The following SIGLEC12 variants were observed in gnomAD, a reference collection of about 807,000 sequenced individuals.
SIGLEC12 encodes sialic acid binding Ig like lectin 12.
A neutral mutation model predicts 54.1 loss-of-function variants in SIGLEC12; 43 were observed. The ratio of observed to expected loss-of-function variants is 0.80; its 90% CI spans 0.62 to 1.03. The LOEUF (loss-of-function observed/expected upper bound fraction) is 1.03, where lower values mean the gene tolerates loss of function less well. SIGLEC12 is among the 50% of genes least tolerant of loss of function. SIGLEC12 has a pLI of 0.00. For synonymous variants in SIGLEC12, 357 were observed against 307.6 expected (o/e 1.16, Z -1.68); for missense variants, 802 against 735.2 (o/e 1.09, Z -1.05).
At position 51,501,686 on chromosome 19, in the gene SIGLEC12, C is replaced by T. The variant is rs764479890; in HGVS notation, c.48G>A (p.Val16=). ...GGTAATCCTTCTGTTCCTTAGCCCCCACTCTCCCACAGAGCAGGGGTGGCA... is the reference window on the plus strand; with the variant it reads ...GGTAATCCTTCTGTTCCTTAGCCCCTACTCTCCCACAGAGCAGGGGTGGCA... ...LLLPPLLCGR[V]GAKEQKDYLL... Residue 16 remains valine (V), a synonymous_variant, in exon 1 of 8, where the codon GTG becomes GTA. Coordinates refer to ENST00000291707, the MANE Select transcript of SIGLEC12 (RefSeq NM_053003.4). 1.9e-6 allele frequency: 3 copies of T among 1,613,842 alleles called. No individual in the cohort carries two copies. The highest frequency in any genetic ancestry group is 3.3e-5 in the Admixed American group (2 of 60,000).
At position 51,499,189 on chromosome 19, in the gene SIGLEC12, G is replaced by C. The variant is rs750591698; in HGVS notation, c.1116C>G (p.Val372=). 1.2e-6 allele frequency: 2 copies of C among 1,614,132 alleles called. No individual in the cohort carries two copies. Among genetic ancestry groups the C allele is most frequent in the Non-Finnish European group, 1.7e-6 (2 of 1,179,970 alleles). ...SYPPQNLTMT[V]FQGDGTASTT... Reference sequence around the variant, plus strand: ...TCTTACCTGTGCCATCTCCTTGGAAGACAGTCATGGTCAAGTTCTGAGGAG... The same window carrying C: ...TCTTACCTGTGCCATCTCCTTGGAACACAGTCATGGTCAAGTTCTGAGGAG... The change falls in exon 4 of 8, where the codon GTC becomes GTG. Residue 372 remains valine (V), a synonymous_variant. Coordinates refer to ENST00000291707, the MANE Select transcript of SIGLEC12 (RefSeq NM_053003.4).
rs1555777004 is a variant in SIGLEC12 at position 51,501,610 on chromosome 19, C to T, written c.124G>A (p.Val42Met). The T allele has an allele frequency of 6.2e-7, 1 of 1,614,122 alleles. No homozygotes were observed. Among genetic ancestry groups the T allele is most frequent in the South Asian group, 1.1e-5 (1 of 91,080 alleles). Residue 42 changes from valine (V) to methionine (M), a missense_variant, in exon 1 of 8, where the codon GTG becomes ATG. Val to Met is a conservative substitution (Grantham distance 21, BLOSUM62 1). Coordinates refer to ENST00000291707, the MANE Select transcript of SIGLEC12 (RefSeq NM_053003.4). ...TGGGGGTAGGAGAAGGAGCAAAGCA[C>T]AGAGACACACAGGCCCTCCTGCACC... is the stretch of plus-strand genomic sequence containing the variant. ...VTVQEGLCVS[V>M]LCSFSYPQNG... is the part of the protein sequence containing the mutation.
chr19:51,500,169 A>G lies in SIGLEC12; in HGVS notation c.559T>C (p.Tyr187His). ...GCCCCTTCCTTGAACCAGGATCCAT[A>G]AACAGGGCTAGAGGCAGTCCAGTTG... ...HYNWTASSPV[Y>H]GSWFKEGADI... Residue 187 changes from tyrosine (Y) to histidine (H), a missense_variant, in exon 2 of 8, where the codon TAT becomes CAT. Transcript: ENST00000291707. 6.2e-7 allele frequency: 1 copy of G among 1,614,096 alleles called. No homozygotes were observed. The highest frequency in any genetic ancestry group is 2.2e-5 in the East Asian group (1 of 44,868).
At chr19:51,499,099 G>T (rs1314684756) in intron 4 of SIGLEC12, 71 bp downstream of exon 4, 8 of 1,545,496 alleles carry the variant, frequency 5.2e-6, no homozygotes, top group Admixed American at 1.7e-5. Flanking sequence ...CAGGTCACCA[G>T]GGTGAGTCCT....
intron 7 of SIGLEC12, among the ~76,000 whole-genome samples, chr19:51,495,959 C>T (rs1420382820): frequency 6.6e-6 from 1 of 152,088 alleles, no homozygotes; most frequent in Admixed American, 6.6e-5. Context: ...AATGTGAAGA[C>T]GTAGAGACAC....
At position 51,501,369 on chromosome 19, in the gene SIGLEC12, C is replaced by T. The variant is rs1306870539; in HGVS notation, c.365G>A (p.Cys122Tyr). The T allele has an allele frequency of 1.9e-6, 3 of 1,614,130 alleles. No homozygotes were observed. Among genetic ancestry groups the T allele is most frequent in the Non-Finnish European group, 2.5e-6 (3 of 1,180,056 alleles). The change falls in exon 1 of 8, where the codon TGT (cysteine) becomes TAT (tyrosine). Residue 122 changes from cysteine (C) to tyrosine (Y), a missense_variant. Transcript: ENST00000291707. ...CCATTTCATATTTCCTCTCTCTACACAAAAGACGTATGTCCCTGCATCACT... is the reference window on the plus strand; with the variant it reads ...CCATTTCATATTTCCTCTCTCTACATAAAAGACGTATGTCCCTGCATCACT... The part of the protein sequence containing the change: ...RESDAGTYVF[C>Y]VERGNMKWNY...
intron 7 of SIGLEC12, 75 bp from the exon 8 acceptor site, chr19:51,491,904 G>T: frequency 8.2e-7 from 1 of 1,225,326 alleles, no homozygotes; most frequent in Non-Finnish European, 1.1e-6. Context: ...CAGGAAGGAG[G>T]CCCAGGAGTT....
In SIGLEC12 at chr19:51,500,208, G is replaced by A; in HGVS notation, c.520C>T (p.Leu174Phe). The part of the protein sequence containing the change: ...GLCVSVPCSV[L>F]YPHYNWTASS... ...GCAGTCCAGTTGTAATGGGGGTAAA[G>A]GACACTGCAGGGCACAGAGACACAC... Residue 174 changes from leucine to phenylalanine, a missense_variant, in exon 2 of 8, where the codon CTT (leucine) becomes TTT (phenylalanine). Coordinates refer to ENST00000291707, the MANE Select transcript of SIGLEC12 (RefSeq NM_053003.4). 6.2e-7 allele frequency: 1 copy of A among 1,614,146 alleles called. No individual in the cohort carries two copies. The highest frequency in any genetic ancestry group is 1.1e-5 in the South Asian group (1 of 91,084).
chr19:51,498,808 A>T (rs1446232548), intron 4 of SIGLEC12, among the ~76,000 whole-genome samples: 1 of 152,222 alleles, frequency 6.6e-6, no homozygotes, highest in African/African-American at 2.4e-5. Flanking sequence ...GCTGTGCATT[A>T]TAAATTTTTG....
intron 7 of SIGLEC12, among the ~76,000 whole-genome samples, chr19:51,492,143 T>C (rs1457996920): frequency 6.6e-6 from 1 of 152,148 alleles, no homozygotes; most frequent in African/African-American, 2.4e-5. Flanking sequence ...CCCAATCCAG[T>C]CAGTTCCTTC....
chr19:51,500,690 T>C (rs1166157903), intron 1 of SIGLEC12, among the ~76,000 whole-genome samples: 2 of 151,836 alleles, frequency 1.3e-5, no homozygotes, highest in Non-Finnish European at 2.9e-5. Context: ...CTCTGGACCA[T>C]CGTGGAGGTC....
In SIGLEC12 at chr19:51,501,486, C is replaced by T. The variant is rs140675869; in HGVS notation, c.248G>A (p.Arg83Gln). The T allele has an allele frequency of 6.8e-6, 11 of 1,613,780 alleles. No individual in the cohort carries two copies. Among genetic ancestry groups the T allele is most frequent in the African/African-American group, 2.7e-5 (2 of 74,870 alleles). The change falls in exon 1 of 8, where the codon CGA (arginine) becomes CAA (glutamine). Residue 83 changes from arginine to glutamine, a missense_variant. Coordinates refer to ENST00000291707, the MANE Select transcript of SIGLEC12 (RefSeq NM_053003.4). ...NIPVATNNPA[R>Q]AVQEETRDRF... ...GTCCCGAGTCTCCTCCTGCACTGCT[C>T]GAGCTGGGTTGTTTGTGGCCACTGG... is the stretch of plus-strand genomic sequence containing the variant.
chr19:51,496,190 C>T (rs1237691061), intron 7 of SIGLEC12, among the ~76,000 whole-genome samples: 3 of 152,198 alleles, frequency 2.0e-5, no homozygotes, highest in African/African-American at 7.2e-5. Flanking sequence ...CATGGAAAGC[C>T]TGGGCGCGGT....
chr19:51,497,313 C>A (rs1338213043), intron 6 of SIGLEC12, 36 bp downstream of exon 6: 3 of 1,577,506 alleles, frequency 1.9e-6, no homozygotes, highest in Non-Finnish European at 2.6e-6. Context: ...AGCCTGCCCT[C>A]CCCCAAGGCT....
Position 51,498,240 on chromosome 19 carries a change from G to T in SIGLEC12, c.1183C>A (p.Gln395Lys), listed in dbSNP as rs1243603102. 2.5e-6 allele frequency: 4 copies of T among 1,613,856 alleles called. No homozygotes were observed. The highest frequency in any genetic ancestry group is 3.4e-6 in the Non-Finnish European group (4 of 1,179,846). ...NGSALSVLEG[Q>K]SLHLVCAVDS... ...ACAGCACAGACAAGGTGCAGGGACT[G>T]GCCCTCCAGGACTGAAAGGGCCGAG... The change falls in exon 5 of 8, where the codon CAG becomes AAG. Residue 395 changes from glutamine to lysine, a missense_variant. Transcript: ENST00000291707.
chr19:51,495,226 T>C (rs1568528742), intron 7 of SIGLEC12, among the ~76,000 whole-genome samples: 1 of 140,494 alleles, frequency 7.1e-6, no homozygotes, highest in Non-Finnish European at 1.6e-5. Flanking sequence ...GGTGGATGGA[T>C]GGATGGATGG....
Position 51,498,200 on chromosome 19 carries a change from G to A in SIGLEC12, c.1223C>T (p.Pro408Leu), listed in dbSNP as rs1328419084. 5 of 1,614,080 alleles carry A rather than the reference G, an allele frequency of 3.1e-6. No individual in the cohort carries two copies. Among genetic ancestry groups the A allele is most frequent in the South Asian group, 1.1e-5 (1 of 91,094 alleles). Residue 408 changes from proline to leucine, a missense_variant, in exon 5 of 8, where the codon CCT becomes CTT. Coordinates refer to ENST00000291707, the MANE Select transcript of SIGLEC12 (RefSeq NM_053003.4). ...HLVCAVDSNP[P>L]ARLSWTWGSL... is the part of the protein sequence containing the mutation. ...CCCCCAGGTCCAGCTCAGCCTGGCA[G>A]GGGGATTGCTGTCGACAGCACAGAC...
Position 51,501,762 on chromosome 19 carries a change from G to T in SIGLEC12, c.-29C>A. 1 of 1,562,794 alleles carries T rather than the reference G, an allele frequency of 6.4e-7. No individual in the cohort carries two copies. Among genetic ancestry groups the T allele is most frequent in the African/African-American group, 1.4e-5 (1 of 73,924 alleles). ...TCGGGTTGGAGGTGCCAGGGTTGCT[G>T]AGGTAAGTCTGTTCCTCAGGGTTCT... On this transcript the variant is annotated 5_prime_UTR_variant, in exon 1 of 8. Transcript: ENST00000291707.
In SIGLEC12 at chr19:51,498,164, AG is replaced by A; in HGVS notation, c.1258del (p.Leu420Ter). ...AAGGTTCGAGGACTGTGAGGGGCTC[AG>A]GGTCAGGCTCCCCCAGGTCCAGCTC... is the stretch of plus-strand genomic sequence containing the variant. ...RLSWTWGSLT[L>X]SPSQSSNLGV... On this transcript the variant is annotated frameshift_variant, in exon 5 of 8. Coordinates refer to ENST00000291707, the MANE Select transcript of SIGLEC12 (RefSeq NM_053003.4). LOFTEE classifies it high-confidence loss of function. The A allele has an allele frequency of 1.2e-6, 2 of 1,614,224 alleles. No homozygotes were observed. The highest frequency in any genetic ancestry group is 1.7e-6 in the Non-Finnish European group (2 of 1,180,034).
Sources: allele counts gnomAD v4.1 joint callset (sites outside exome capture counted in the v4.1 genomes callset), GRCh38; gene constraint gnomAD v4.1.1; transcripts MANE v1.5; gene names NCBI Gene and HGNC (gene_info 2026-07-23, HGNC 2026-07-21).